Variants in CNTN3 observed in about 807,000 individuals in gnomAD.
The protein encoded by CNTN3 is contactin-3.
In CNTN3, 60 loss-of-function variants were observed where a neutral mutation model predicts 119.1. That is an observed-to-expected ratio of 0.50 (90% CI 0.41 to 0.62). CNTN3 has a LOEUF of 0.62. CNTN3 is among the 20% of genes least tolerant of loss of function. The pLI is 0.00. For synonymous variants in CNTN3, 450 were observed against 438.7 expected, an observed-to-expected ratio of 1.03 and a Z score of -0.32; for missense variants, 1,101 against 1,242.4, an observed-to-expected ratio of 0.89 and a Z score of 1.71.
At position 74,264,045 on chromosome 3, in the gene CNTN3, TTAAATG is replaced by T. The variant is rs1218783120; in HGVS notation, c.*350_*355del. 6.2e-6 allele frequency: 1 copy of T among 160,584 alleles called. No homozygotes were observed. The highest frequency in any genetic ancestry group is 1.4e-5 in the Non-Finnish European group (1 of 73,678). The allele number at this position is 160,584 out of a possible 1,614,324, so 9.9% of individuals were successfully genotyped here. ...TTATAATGGGAAAATAGCATTTGAA[TTAAATG>T]AAAGAGTTTTTCAATGTAAAAAGAA... On this transcript the variant is annotated 3_prime_UTR_variant, in exon 23 of 23. Coordinates refer to ENST00000263665, the MANE Select transcript of CNTN3 (RefSeq NM_020872.3).
chr3:74,605,635 T>C (rs936834283), intron 1 of CNTN3, among the ~76,000 whole-genome samples: 6 of 152,140 alleles, frequency 3.9e-5, no homozygotes, highest in Non-Finnish European at 8.8e-5. Context: ...CTCACATCAC[T>C]GGCTACCAGT....
At chr3:74,499,555 T>C (rs1703126614) in intron 3 of CNTN3, 104 bp downstream of exon 3, 1 of 1,065,792 alleles carries the variant, frequency 9.4e-7, no homozygotes, top group Non-Finnish European at 1.3e-6. Flanking sequence ...CACGTATTTT[T>C]TTCTTACTGA....
chr3:74,609,933 T>G (rs771638069), intron 1 of CNTN3, among the ~76,000 whole-genome samples: 2 of 152,104 alleles, frequency 1.3e-5, no homozygotes, highest in Non-Finnish European at 2.9e-5. Flanking sequence ...AAAGAGCCTA[T>G]CAGAAGTGCC....
chr3:74,330,064 T>G (rs975189029), intron 13 of CNTN3, among the ~76,000 whole-genome samples: 2 of 152,082 alleles, frequency 1.3e-5, no homozygotes, highest in Non-Finnish European at 2.9e-5. Context: ...CATAAGATTA[T>G]AATGGAGCTG....
intron 5 of CNTN3, among the ~76,000 whole-genome samples, chr3:74,406,111 A>C (rs544477550): frequency 6.6e-6 from 1 of 152,284 alleles, no homozygotes; most frequent in Admixed American, 6.5e-5. Flanking sequence ...TTCCAAGGCA[A>C]AATAGCAAAT....
intron 13 of CNTN3, among the ~76,000 whole-genome samples, chr3:74,332,162 T>G (rs534123637): frequency 6.6e-6 from 1 of 152,236 alleles, no homozygotes; most frequent in Admixed American, 6.5e-5. Flanking sequence ...GATATATCTA[T>G]GAACCCACTG....
chr3:74,465,756 C>G (rs1702449905), intron 4 of CNTN3, among the ~76,000 whole-genome samples: 1 of 152,168 alleles, frequency 6.6e-6, no homozygotes, highest in African/African-American at 2.4e-5. Flanking sequence ...CACCAGGTCG[C>G]AGGGCTGTCC....
chr3:74,543,778 A>G lies in CNTN3; in HGVS notation c.-80-22586T>C, dbSNP rs149536572. 1.3e-3 allele frequency among the ~76,000 whole-genome samples: 194 copies of G among 152,218 alleles called. 6 individuals carry two copies. In the East Asian group the frequency reaches 0.034, roughly 26 times the overall value. On this transcript the variant is annotated intron_variant, in intron 1 of 22. Transcript: ENST00000263665. ...GGGCCATAAATGACTTCACAGCCCC[A>G]TTTTCCCATTCTCAGAAAATCACAG...
chr3:74,431,252 G>A (rs1486750643), intron 4 of CNTN3, among the ~76,000 whole-genome samples: 1 of 152,096 alleles, frequency 6.6e-6, no homozygotes, highest in Non-Finnish European at 1.5e-5. Context: ...AGAAACTGGG[G>A]TCACTCTGAC....
At chr3:74,482,400 T>C (rs1702778288) in intron 4 of CNTN3, among the ~76,000 whole-genome samples, 1 of 152,008 alleles carries the variant, frequency 6.6e-6, no homozygotes, top group African/African-American at 2.4e-5. Flanking sequence ...AAATAATAAA[T>C]CATTCATTAT....
At chr3:74,478,217 C>G (rs1000656585) in intron 4 of CNTN3, among the ~76,000 whole-genome samples, 1 of 151,998 alleles carries the variant, frequency 6.6e-6, no homozygotes, top group Non-Finnish European at 1.5e-5. Flanking sequence ...TTGATGTGTG[C>G]GCAGAATCCT....
intron 1 of CNTN3, among the ~76,000 whole-genome samples, chr3:74,575,540 G>A (rs762531378): frequency 4.7e-5 from 7 of 150,518 alleles, no homozygotes; most frequent in Non-Finnish European, 1.0e-4. Context: ...GTGAGCCACC[G>A]CACCGAGCTG....
At chr3:74,583,620 C>A (rs934985124) in intron 1 of CNTN3, among the ~76,000 whole-genome samples, 1 of 152,136 alleles carries the variant, frequency 6.6e-6, no homozygotes, top group East Asian at 1.9e-4. Flanking sequence ...TGGATGAATG[C>A]AAGTCTTGTA....
At chr3:74,499,917 C>T (rs1220442574) in intron 2 of CNTN3, 132 bp from the exon 3 acceptor site, 4 of 777,258 alleles carry the variant, frequency 5.1e-6, no homozygotes, top group Non-Finnish European at 7.7e-6. Context: ...GCAAAATGCT[C>T]TGTAGACATT....
At chr3:74,501,518 CTG>C (rs1190693495) in intron 2 of CNTN3, among the ~76,000 whole-genome samples, 2 of 152,030 alleles carry the variant, frequency 1.3e-5, no homozygotes, top group Non-Finnish European at 2.9e-5. Context: ...AATAACATAA[CTG>C]TGAGTATAAC....
intron 1 of CNTN3, among the ~76,000 whole-genome samples, chr3:74,544,821 A>C (rs982487639): frequency 9.2e-5 from 14 of 152,014 alleles, no homozygotes; most frequent in African/African-American, 3.4e-4. Context: ...GATGGTCACG[A>C]TCTCCTGACC....
chr3:74,414,889 T>TTTC (rs201638749), intron 5 of CNTN3, among the ~76,000 whole-genome samples: 4,610 of 150,672 alleles, frequency 0.031, 120 homozygotes, highest in Non-Finnish European at 0.049. Flanking sequence ...TTTTTTTTTT[T>TTTC]TTTTTTTTGA....
At chr3:74,478,518 C>G (rs1398419305) in intron 4 of CNTN3, among the ~76,000 whole-genome samples, 1 of 152,128 alleles carries the variant, frequency 6.6e-6, no homozygotes, top group African/African-American at 2.4e-5. Context: ...TTCTACTTAG[C>G]TCCCAGGAGC....
intron 11 of CNTN3, among the ~76,000 whole-genome samples, chr3:74,349,767 G>C (rs530873624): frequency 6.6e-6 from 1 of 152,156 alleles, no homozygotes; most frequent in Non-Finnish European, 1.5e-5. Context: ...ACAGGGATTG[G>C]TCTATGGTTA....
Sources: allele counts gnomAD v4.1 joint callset (sites outside exome capture counted in the v4.1 genomes callset), GRCh38; gene constraint gnomAD v4.1.1; transcripts MANE v1.5; gene names NCBI Gene and HGNC (gene_info 2026-07-23, HGNC 2026-07-21).